The following ERI3 variants were observed in gnomAD, a reference collection of about 807,000 sequenced individuals.
ERI3 encodes ERI1 exoribonuclease family member 3.
A neutral mutation model predicts 44.4 loss-of-function variants in ERI3; 18 were observed. The ratio of observed to expected loss-of-function variants is 0.41; its 90% CI spans 0.28 to 0.60. ERI3 has a LOEUF of 0.60. Among genes scored for constraint, ERI3 ranks in the 20% least tolerant of loss-of-function variants. The pLI, the probability that ERI3 is intolerant of heterozygous loss-of-function variation, is 0.36. For missense variants in ERI3, 294 were observed against 435.5 expected (o/e 0.68, Z 2.89); for synonymous variants, 183 against 164.8 (o/e 1.11, Z -0.84).
At position 44,313,216 on chromosome 1, in the gene ERI3, T is replaced by A; in HGVS notation, c.619A>T (p.Ile207Phe). The A allele has an allele frequency of 6.2e-7, 1 of 1,614,112 alleles. No individual in the cohort carries two copies. Among genetic ancestry groups the A allele is most frequent in the Non-Finnish European group, 8.5e-7 (1 of 1,180,004 alleles). ...GGCTGACCATCCACCATGGCTTGAA[T>A]AATCCCGGTGAGCTGAAAGGAAAGA... ...TPFCTELTGI[I>F]QAMVDGQPSL... Residue 207 changes from isoleucine to phenylalanine, a missense_variant, in exon 5 of 9, where the codon ATT becomes TTT. Coordinates refer to ENST00000372257, the MANE Select transcript of ERI3 (RefSeq NM_024066.3).
chr1:44,348,453 G>T (rs959562072), intron 2 of ERI3, among the ~76,000 whole-genome samples: 1 of 152,216 alleles, frequency 6.6e-6, no homozygotes, highest in Non-Finnish European at 1.5e-5. Flanking sequence ...TGAGGTGCCA[G>T]CGGCCAGCTC....
At chr1:44,256,888 A>G (rs1455196078) in intron 7 of ERI3, 2 of 152,236 alleles carry the variant, frequency 1.3e-5, no homozygotes, top group African/African-American at 2.4e-5. Context: ...TGAGAATAAG[A>G]TAAGTAGCTC....
At chr1:44,229,118 A>C (rs1336691567) in intron 8 of ERI3, among the ~76,000 whole-genome samples, 1 of 152,194 alleles carries the variant, frequency 6.6e-6, no homozygotes, top group Non-Finnish European at 1.5e-5. Flanking sequence ...TGGTGGGAGA[A>C]GCTGAGGAAT....
chr1:44,240,516 A>G (rs1209784782), intron 8 of ERI3, among the ~76,000 whole-genome samples: 6 of 152,268 alleles, frequency 3.9e-5, no homozygotes, highest in Middle Eastern at 6.8e-3. Flanking sequence ...ACTAGGAGAG[A>G]TATGTTCAAA....
At chr1:44,327,051 A>G (rs561846191) in intron 3 of ERI3, among the ~76,000 whole-genome samples, 38 of 152,346 alleles carry the variant, frequency 2.5e-4, no homozygotes, top group African/African-American at 9.1e-4. Context: ...TACATATTCA[A>G]TTGTAAATAA....
At chr1:44,268,583 G>A (rs899369324) in intron 7 of ERI3, among the ~76,000 whole-genome samples, 2 of 152,322 alleles carry the variant, frequency 1.3e-5, no homozygotes, top group Middle Eastern at 3.4e-3. Flanking sequence ...TGAGGAGTCA[G>A]CCAGGGAAAG....
chr1:44,328,214 G>A (rs1307773519), intron 3 of ERI3, among the ~76,000 whole-genome samples: 2 of 147,462 alleles, frequency 1.4e-5, no homozygotes, highest in Non-Finnish European at 3.0e-5. Flanking sequence ...ATACACAAAC[G>A]GATACCCGCC....
At chr1:44,343,076 A>G (rs1289486777) in intron 2 of ERI3, among the ~76,000 whole-genome samples, 1 of 151,112 alleles carries the variant, frequency 6.6e-6, no homozygotes, top group Non-Finnish European at 1.5e-5. Flanking sequence ...GGCTGATTCC[A>G]GGGATGCAGC....
chr1:44,262,307 C>CTGGA (rs1644910921), intron 7 of ERI3, among the ~76,000 whole-genome samples: 2 of 152,232 alleles, frequency 1.3e-5, no homozygotes, highest in African/African-American at 4.8e-5. Flanking sequence ...AGGCCCCCTT[C>CTGGA]TGGATGCCCA....
chr1:44,252,366 T>C lies in ERI3; in HGVS notation c.832-4328A>G, dbSNP rs1415040875. Reference sequence around the variant, plus strand: ...CTCCCCTCTCGTGGCTCTGCCCGCCTTGGCTGCTGCCCCATTAGCTTAGTG... The same window carrying C: ...CTCCCCTCTCGTGGCTCTGCCCGCCCTGGCTGCTGCCCCATTAGCTTAGTG... On this transcript the variant is annotated intron_variant, in intron 7 of 8. Transcript: ENST00000372257. The surrounding 1 kb of genome is among the most constrained non-coding windows in gnomAD (Gnocchi z 4.7). Among the ~76,000 whole-genome samples, 1 of 152,232 alleles carries C rather than the reference T, an allele frequency of 6.6e-6. No homozygotes were observed. The highest frequency in any genetic ancestry group is 1.5e-5 in the Non-Finnish European group (1 of 68,038).
intron 8 of ERI3, among the ~76,000 whole-genome samples, chr1:44,224,785 G>T (rs1643995515): frequency 6.6e-6 from 1 of 152,114 alleles, no homozygotes; most frequent in Non-Finnish European, 1.5e-5. Context: ...GGTATTTCTG[G>T]GGTCTAACTT....
chr1:44,333,608 C>T (rs1050030214), intron 3 of ERI3, among the ~76,000 whole-genome samples: 3 of 152,188 alleles, frequency 2.0e-5, no homozygotes, highest in East Asian at 1.9e-4. Flanking sequence ...GGAGGCAGCA[C>T]GTGGGGTTAA....
intron 3 of ERI3, chr1:44,323,105 G>T: frequency 2.3e-6 from 1 of 440,560 alleles, no homozygotes; most frequent in South Asian, 5.6e-5. Context: ...GCACCAGGAA[G>T]GAAGGAAGGA....
Position 44,322,116 on chromosome 1 carries a change from G to A in ERI3, c.490-2372C>T, listed in dbSNP as rs558183760. 2.0e-5 allele frequency among the ~76,000 whole-genome samples: 3 copies of A among 152,224 alleles called. No individual in the cohort carries two copies. The South Asian group carries it at 6.2e-4, about 32-fold the overall frequency. ...TTTAGATATCCGAAATGCTATTATA[G>A]ATCTAGGATTTCATTAGTATTTATT... On this transcript the variant is annotated intron_variant, in intron 3 of 8. Transcript: ENST00000372257.
At chr1:44,238,708 T>C (rs1310250689) in intron 8 of ERI3, among the ~76,000 whole-genome samples, 1 of 151,840 alleles carries the variant, frequency 6.6e-6, no homozygotes, top group East Asian at 1.9e-4. Context: ...GGAAGGGATA[T>C]TCACAGCGAG....
At position 44,344,888 on chromosome 1, in the gene ERI3, C is replaced by T. The variant is rs576698465; in HGVS notation, c.212-5566G>A. ...GAAGGGCCCAGGTCCCCAGTGGGGA[C>T]AGGGGAGGGGTAAATGGGACTGCCA... On this transcript the variant is annotated intron_variant, in intron 2 of 8. Transcript: ENST00000372257. Among the ~76,000 whole-genome samples, 15 of 152,216 alleles carry T rather than the reference C, an allele frequency of 9.9e-5. 1 individual carries two copies. In the South Asian group the frequency reaches 2.9e-3, roughly 29 times the overall value.
chr1:44,296,670 T>A (rs975383351), intron 6 of ERI3, among the ~76,000 whole-genome samples: 1 of 152,040 alleles, frequency 6.6e-6, no homozygotes, highest in African/African-American at 2.4e-5. Context: ...AAATAGAGCA[T>A]CCTTCCACCT....
intron 7 of ERI3, among the ~76,000 whole-genome samples, chr1:44,262,271 C>T (rs529400081): frequency 6.6e-6 from 1 of 152,324 alleles, no homozygotes; most frequent in East Asian, 1.9e-4. Context: ...CAGCACAGTC[C>T]CCATCCTTCA....
chr1:44,332,092 A>C lies in ERI3; in HGVS notation c.489+6953T>G, dbSNP rs182227010. On this transcript the variant is annotated intron_variant, in intron 3 of 8. Transcript: ENST00000372257. ...GCTTTAAGTTACTATCCAAAGAGTA[A>C]AAAGAAGCCTTTTCATTGCCTCTAA... Among the ~76,000 whole-genome samples the C allele has an allele frequency of 2.0e-5, 3 of 152,334 alleles. No homozygotes were observed. In the East Asian group the frequency reaches 5.8e-4, roughly 29 times the overall value.
Sources: gnomAD v4.1 joint callset for allele counts (sites outside exome capture counted in the v4.1 genomes callset) on GRCh38, gnomAD v4.1.1 for gene constraint, Gnocchi (gnomAD v3.1) non-coding constraint, MANE v1.5 for transcripts, NCBI Gene and HGNC (gene_info 2026-07-23, HGNC 2026-07-21) for gene names.